Variants in DAB1 observed in about 807,000 individuals in gnomAD.
DAB1 encodes disabled homolog 1.
DAB1 carries 15 observed loss-of-function variants against 64.6 expected under a neutral mutation model. The observed-to-expected ratio is 0.23, with a 90% confidence interval of 0.16 to 0.36. DAB1 has a LOEUF of 0.36. Among genes scored for constraint, DAB1 ranks in the 10% least tolerant of loss-of-function variants. DAB1 has a pLI of 1.00. For synonymous variants in DAB1, 235 were observed against 251.9 expected, an observed-to-expected ratio of 0.93 and a Z score of 0.64; for missense variants, 596 against 706.7, an observed-to-expected ratio of 0.84 and a Z score of 1.78.
At position 57,135,746 on chromosome 1, in the gene DAB1, G is replaced by A. The variant is rs146487620; in HGVS notation, c.306+797C>T. On this transcript the variant is annotated intron_variant, in intron 4 of 14. Coordinates refer to ENST00000371236, the MANE Select transcript of DAB1 (RefSeq NM_001365792.1). ...AAAATGACCAAGGTAATGTAACTCC[G>A]CTGGTTAAGTATTGTTTATAAAGTG... is the stretch of plus-strand genomic sequence containing the variant. Among the ~76,000 whole-genome samples, 7 of 152,084 alleles carry A rather than the reference G, an allele frequency of 4.6e-5. No individual in the cohort carries two copies. In the South Asian group the frequency reaches 6.2e-4, roughly 14 times the overall value.
intron 6 of DAB1, among the ~76,000 whole-genome samples, chr1:57,688,655 G>A (rs748366401): frequency 1.3e-5 from 2 of 152,102 alleles, no homozygotes; most frequent in Non-Finnish European, 2.9e-5. Flanking sequence ...GCAAAGGCAT[G>A]GAATCAACCT....
chr1:58,244,290 C>G (rs778079432), intron 4 of DAB1, among the ~76,000 whole-genome samples: 22 of 152,166 alleles, frequency 1.4e-4, no homozygotes, highest in Admixed American at 4.6e-4. Flanking sequence ...GATGATGGTT[C>G]TACTGCTGAG....
intron 4 of DAB1, among the ~76,000 whole-genome samples, chr1:57,077,130 G>A (rs1652063352): frequency 6.6e-6 from 1 of 152,206 alleles, no homozygotes; most frequent in African/African-American, 2.4e-5. Context: ...ACCTTGAATT[G>A]AGGCTCCAAG....
At chr1:58,403,095 G>A (rs1199148850) in intron 3 of DAB1, among the ~76,000 whole-genome samples, 1 of 152,098 alleles carries the variant, frequency 6.6e-6, no homozygotes, top group Non-Finnish European at 1.5e-5. Flanking sequence ...AGGATTCATT[G>A]CAGTTGAGTT....
intron 3 of DAB1, among the ~76,000 whole-genome samples, chr1:58,414,297 C>G (rs1404393542): frequency 6.6e-6 from 1 of 152,212 alleles, no homozygotes; most frequent in Non-Finnish European, 1.5e-5. Flanking sequence ...CCTGCAGAAG[C>G]AGCTCAGGTA....
Position 57,561,118 on chromosome 1 carries a change from A to T in DAB1, n.625+88474T>A, listed in dbSNP as rs560577560. 2.0e-5 allele frequency among the ~76,000 whole-genome samples: 3 copies of T among 152,272 alleles called. 1 individual carries two copies. The East Asian group carries it at 5.8e-4, about 29-fold the overall frequency. The stretch of plus-strand genomic sequence containing the variant: ...AGTGGCTCAAATGCCCATGGTCTCC[A>T]TTTCTGCCACCCTGCCTCCTCTCCC... On this transcript the variant is annotated intron_variant and non_coding_transcript_variant, in intron 7 of 20. Transcript: ENST00000485760.
intron 6 of DAB1, among the ~76,000 whole-genome samples, chr1:57,772,020 T>C (rs1471450788): frequency 6.6e-6 from 1 of 152,088 alleles, no homozygotes; most frequent in Non-Finnish European, 1.5e-5. Flanking sequence ...TTTGAATGTG[T>C]CCCCCAAAAA....
At chr1:58,133,753 G>A (rs1287082715) in intron 5 of DAB1, among the ~76,000 whole-genome samples, 2 of 152,176 alleles carry the variant, frequency 1.3e-5, no homozygotes, top group African/African-American at 4.8e-5. Flanking sequence ...AAGTTTCCAA[G>A]TGTTCTTTGA....
chr1:57,138,152 T>C (rs1658287083), intron 3 of DAB1, among the ~76,000 whole-genome samples: 1 of 152,196 alleles, frequency 6.6e-6, no homozygotes, highest in Admixed American at 6.5e-5. Context: ...AGACACCTGC[T>C]AGGAGGAAAT....
chr1:57,297,014 C>T (rs1484502764), intron 1 of DAB1, among the ~76,000 whole-genome samples: 3 of 152,122 alleles, frequency 2.0e-5, no homozygotes, highest in Non-Finnish European at 4.4e-5. Flanking sequence ...TTAACATCAA[C>T]AAACAGGGGC....
At chr1:58,192,657 A>G (rs1391543391) in intron 4 of DAB1, among the ~76,000 whole-genome samples, 1 of 152,062 alleles carries the variant, frequency 6.6e-6, no homozygotes, top group South Asian at 2.1e-4. Flanking sequence ...ATATATGTAT[A>G]TATGTGTGTG....
chr1:57,656,667 T>C (rs550048245), intron 6 of DAB1, among the ~76,000 whole-genome samples: 1 of 152,314 alleles, frequency 6.6e-6, no homozygotes, highest in South Asian at 2.1e-4. Context: ...GTAAACGTTT[T>C]AATAAGCACT....
chr1:57,029,312 T>C (rs1475026593), intron 9 of DAB1, among the ~76,000 whole-genome samples: 2 of 152,128 alleles, frequency 1.3e-5, no homozygotes, highest in Non-Finnish European at 2.9e-5. Context: ...CACCTAGATT[T>C]AAGATGATGT....
intron 4 of DAB1, among the ~76,000 whole-genome samples, chr1:57,134,584 T>C (rs1657920177): frequency 6.6e-6 from 1 of 152,074 alleles, no homozygotes; most frequent in Non-Finnish European, 1.5e-5. Context: ...GCTTAGTACC[T>C]AGCTGACAGA....
chr1:58,399,504 C>T (rs1398095896), intron 3 of DAB1, among the ~76,000 whole-genome samples: 1 of 152,284 alleles, frequency 6.6e-6, no homozygotes, highest in Middle Eastern at 3.4e-3. Flanking sequence ...GAAACCAAGA[C>T]GTGTTTACAA....
At chr1:57,575,739 A>G (rs566339745) in intron 7 of DAB1, among the ~76,000 whole-genome samples, 1 of 152,312 alleles carries the variant, frequency 6.6e-6, no homozygotes, top group Admixed American at 6.5e-5. Flanking sequence ...TTCCTTAGCC[A>G]GGCTGCAGAC....
intron 2 of DAB1, among the ~76,000 whole-genome samples, chr1:57,278,032 G>A (rs1281710624): frequency 2.0e-5 from 3 of 152,162 alleles, no homozygotes; most frequent in Non-Finnish European, 2.9e-5. Flanking sequence ...CTTTATAAAG[G>A]TAAATTGCAT....
intron 6 of DAB1, among the ~76,000 whole-genome samples, chr1:57,787,818 C>G (rs1422893719): frequency 6.6e-6 from 1 of 150,684 alleles, no homozygotes; most frequent in Non-Finnish European, 1.5e-5. Flanking sequence ...TCCTAAAACT[C>G]AATAAGACAA....
At chr1:57,947,699 C>T (rs1645204667) in intron 5 of DAB1, among the ~76,000 whole-genome samples, 1 of 152,130 alleles carries the variant, frequency 6.6e-6, no homozygotes, top group African/African-American at 2.4e-5. Flanking sequence ...CTCAGTGTGC[C>T]TCAGAAGAGG....
Sources: allele counts gnomAD v4.1 joint callset (sites outside exome capture counted in the v4.1 genomes callset), GRCh38; gene constraint gnomAD v4.1.1; transcripts MANE v1.5; gene names NCBI Gene and HGNC (gene_info 2026-07-23, HGNC 2026-07-21).